ZSWIM6: variants seen among roughly 807,000 people sequenced by gnomAD.
The protein encoded by ZSWIM6 is zinc finger SWIM domain-containing protein 6.
Under a neutral mutation model 113.2 loss-of-function variants are expected in ZSWIM6, and 9 were observed. That is an observed-to-expected ratio of 0.08 (90% confidence interval 0.05 to 0.14). The LOEUF is 0.14. Ranked by LOEUF, ZSWIM6 falls within the 10% of genes least tolerant of loss-of-function variation. The pLI is 1.00. For synonymous variants in ZSWIM6, 611 were observed against 606.5 expected, an observed-to-expected ratio of 1.01 and a Z score of -0.11; for missense variants, 1,162 against 1,552.2, an observed-to-expected ratio of 0.75 and a Z score of 4.22.
At chr5:61,457,201 AAAG>A (rs1347256312) in intron 1 of ZSWIM6, among the ~76,000 whole-genome samples, 1 of 152,198 alleles carries the variant, frequency 6.6e-6, no homozygotes, top group Non-Finnish European at 1.5e-5. Flanking sequence ...ACTTTAGAGA[AAAG>A]AAGCAAATTC....
chr5:61,390,598 A>G, intron 1 of ZSWIM6: 1 of 649,954 alleles, frequency 1.5e-6, no homozygotes, highest in Non-Finnish European at 2.8e-6. Flanking sequence ...CTATCTCAAA[A>G]ATGGTATTTT....
chr5:61,332,791 TGCCGCCGCCGCC>T lies in ZSWIM6; in HGVS notation c.540_551del (p.Ala181_Ala184del), dbSNP rs1262946696. The T allele has an allele frequency of 4.4e-4, 337 of 766,752 alleles. 1 individual carries two copies. Among genetic ancestry groups the T allele is most frequent in the Middle Eastern group, 1.4e-3 (2 of 1,474 alleles). 47.5% of individuals were successfully genotyped at this position (766,752 alleles called of 1,614,324 possible). On this transcript the variant is annotated inframe_deletion, in exon 1 of 14. Transcript: ENST00000252744. Reference sequence around the variant, plus strand: ...CCGCAACCTCGGCCGCCGCCGCCGCTGCCGCCGCCGCCGCCGCCGCCGCCGCCGCCGCGGGGG... The same window carrying T: ...CCGCAACCTCGGCCGCCGCCGCCGCTGCCGCCGCCGCCGCCGCCGCGGGGG...
chr5:61,408,056 T>C (rs932620087), intron 1 of ZSWIM6, among the ~76,000 whole-genome samples: 3 of 152,118 alleles, frequency 2.0e-5, no homozygotes, highest in Non-Finnish European at 4.4e-5. Context: ...TTATTTGTAA[T>C]AGCAAAAAGA....
At chr5:61,522,089 G>T (rs34270022) in intron 5 of ZSWIM6, among the ~76,000 whole-genome samples, 55,909 of 147,856 alleles carry the variant, frequency 0.38, 10,658 homozygotes, top group African/African-American at 0.43. Flanking sequence ...TGTTTTTTTT[G>T]TTTGTTTTTT....
intron 1 of ZSWIM6, among the ~76,000 whole-genome samples, chr5:61,469,627 A>G (rs1482170200): frequency 2.6e-5 from 4 of 152,194 alleles, no homozygotes; most frequent in African/African-American, 7.2e-5. Context: ...CTTGTACTGT[A>G]TAACTCATGT....
intron 1 of ZSWIM6, among the ~76,000 whole-genome samples, chr5:61,455,800 C>A (rs1207070142): frequency 1.5e-5 from 2 of 131,994 alleles, no homozygotes; most frequent in African/African-American, 5.7e-5. Context: ...CCGGCCTTCT[C>A]CTCCACCCCC....
At chr5:61,433,180 C>T (rs895281918) in intron 1 of ZSWIM6, among the ~76,000 whole-genome samples, 1 of 152,058 alleles carries the variant, frequency 6.6e-6, no homozygotes, top group African/African-American at 2.4e-5. Context: ...ATATGGAGTA[C>T]GTTTGGCTTA....
At chr5:61,495,854 T>C (rs1039911625) in intron 4 of ZSWIM6, among the ~76,000 whole-genome samples, 1 of 151,982 alleles carries the variant, frequency 6.6e-6, no homozygotes, top group African/African-American at 2.4e-5. Context: ...ATGAAGGGGA[T>C]CATTTAAGGA....
chr5:61,504,934 A>G (rs1748560480), intron 4 of ZSWIM6, among the ~76,000 whole-genome samples: 1 of 152,186 alleles, frequency 6.6e-6, no homozygotes, highest in Non-Finnish European at 1.5e-5. Context: ...ATAAAAAGCA[A>G]CCCTGGACAG....
Position 61,449,153 on chromosome 5 carries a change from G to A in ZSWIM6, c.677-23528G>A, listed in dbSNP as rs1747031507. The stretch of plus-strand genomic sequence containing the variant: ...ATAGAATAGAGCAGTAATTTAGAAA[G>A]TACCTACACCAGTAGGATGCCCACT... On this transcript the variant is annotated intron_variant, in intron 1 of 13. Transcript: ENST00000252744. Among the ~76,000 whole-genome samples the A allele has an allele frequency of 1.3e-5, 2 of 152,302 alleles. 1 individual carries two copies. The highest frequency in any genetic ancestry group is 4.1e-4 in the South Asian group (2 of 4,830).
chr5:61,530,721 C>T (rs554269738), intron 8 of ZSWIM6, among the ~76,000 whole-genome samples: 22 of 152,274 alleles, frequency 1.4e-4, no homozygotes, highest in Middle Eastern at 3.4e-3. Context: ...AGAATCTTGA[C>T]TAAAAAGACT....
At chr5:61,340,635 A>G (rs1279888101) in intron 1 of ZSWIM6, among the ~76,000 whole-genome samples, 2 of 152,210 alleles carry the variant, frequency 1.3e-5, no homozygotes, top group Admixed American at 6.5e-5. Context: ...CTGAGGCCCA[A>G]ACTCGTTGAG....
chr5:61,364,625 C>G (rs1214783584), intron 1 of ZSWIM6, among the ~76,000 whole-genome samples: 3 of 152,088 alleles, frequency 2.0e-5, no homozygotes, highest in Non-Finnish European at 1.5e-5. Flanking sequence ...AATTTAGTTT[C>G]CTATAGTTCT....
intron 1 of ZSWIM6, among the ~76,000 whole-genome samples, chr5:61,402,470 A>G (rs1047752132): frequency 6.6e-6 from 1 of 152,144 alleles, no homozygotes. Context: ...AATTGCTTGA[A>G]GTATAGACTT....
intron 1 of ZSWIM6, among the ~76,000 whole-genome samples, chr5:61,364,689 G>A (rs534834097): frequency 1.3e-5 from 2 of 152,264 alleles, no homozygotes; most frequent in South Asian, 4.1e-4. Flanking sequence ...TCTGGTGTGG[G>A]CCCTATTCCT....
chr5:61,373,004 T>C (rs1745298510), intron 1 of ZSWIM6, among the ~76,000 whole-genome samples: 1 of 152,196 alleles, frequency 6.6e-6, no homozygotes, highest in Non-Finnish European at 1.5e-5. Context: ...AATAAAAATA[T>C]TACCTCTTTG....
In ZSWIM6 at chr5:61,409,949, G is replaced by A. The variant is rs139439044; in HGVS notation, c.677-62732G>A. 9.8e-3 allele frequency among the ~76,000 whole-genome samples: 1,491 copies of A among 152,318 alleles called. 17 individuals carry two copies. Among genetic ancestry groups the A allele is most frequent in the Non-Finnish European group, 0.015 (1,045 of 68,034 alleles). ...AATTGATTTGAGTAACTCTTTCAGGGACCCCAGATTTGTAAAAGTGGCACT... is the reference window on the plus strand; with the variant it reads ...AATTGATTTGAGTAACTCTTTCAGGAACCCCAGATTTGTAAAAGTGGCACT... On this transcript the variant is annotated intron_variant, in intron 1 of 13. Coordinates refer to ENST00000252744, the MANE Select transcript of ZSWIM6 (RefSeq NM_020928.2).
chr5:61,471,820 G>A (rs888406913), intron 1 of ZSWIM6, among the ~76,000 whole-genome samples: 15 of 152,138 alleles, frequency 9.9e-5, no homozygotes, highest in African/African-American at 3.4e-4. Context: ...GGTCCCTGGT[G>A]CGAAAAAGGT....
In ZSWIM6 at chr5:61,464,158, A is replaced by ATTTTTTTTTTTTTTTT. The variant is rs869288331; in HGVS notation, c.677-8505_677-8490dup. Among the ~76,000 whole-genome samples, 29 of 43,528 alleles carry ATTTTTTTTTTTTTTTT rather than the reference A, an allele frequency of 6.7e-4. 1 individual carries two copies. Among genetic ancestry groups the ATTTTTTTTTTTTTTTT allele is most frequent in the Non-Finnish European group, 9.1e-4 (22 of 24,286 alleles). 28.6% of individuals were successfully genotyped at this position (43,528 alleles called of 152,430 possible). A position where few individuals can be genotyped will look rare whatever the true frequency, so the allele number is the denominator to read the frequency against. On this transcript the variant is annotated intron_variant, in intron 1 of 13. Transcript: ENST00000252744. ...AGGTGCATGCCAACACACCCGGCTA[A>ATTTTTTTTTTTTTTTT]TTTTTTTTTTTTTTTTTTTTTTTTT...
Sources: allele counts gnomAD v4.1 joint callset (sites outside exome capture counted in the v4.1 genomes callset), GRCh38; gene constraint gnomAD v4.1.1; transcripts MANE v1.5; gene names NCBI Gene and HGNC (gene_info 2026-07-23, HGNC 2026-07-21).